HDAC9: variants seen among roughly 807,000 people sequenced by gnomAD.
HDAC9 encodes MEF-2 interacting transcription repressor (MITR) protein.
A neutral mutation model predicts 139.4 loss-of-function variants in HDAC9; 41 were observed. The ratio of observed to expected loss-of-function variants is 0.29; its 90% CI spans 0.23 to 0.38. The LOEUF (loss-of-function observed/expected upper bound fraction) is 0.38. Among genes scored for constraint, HDAC9 ranks in the 10% least tolerant of loss-of-function variants. HDAC9 has a pLI of 1.00. For missense variants in HDAC9, 1,147 were observed against 1,297.0 expected (o/e 0.88, Z 1.78); for synonymous variants, 517 against 476.2 (o/e 1.09, Z -1.12).
intron 22 of HDAC9, among the ~76,000 whole-genome samples, chr7:18,918,192 T>C (rs1486560671): frequency 6.6e-6 from 1 of 151,966 alleles, no homozygotes; most frequent in Admixed American, 6.6e-5. Flanking sequence ...TTTGGTTCAG[T>C]GATAATGGGT....
chr7:18,328,829 T>A (rs1562883082), intron 1 of HDAC9, among the ~76,000 whole-genome samples: 1 of 151,940 alleles, frequency 6.6e-6, no homozygotes, highest in Non-Finnish European at 1.5e-5. Context: ...GTAAAATTAG[T>A]TTGGAAGTAT....
At chr7:18,346,755 A>G (rs761588160) in intron 1 of HDAC9, among the ~76,000 whole-genome samples, 1 of 152,128 alleles carries the variant, frequency 6.6e-6, no homozygotes, top group Admixed American at 6.6e-5. Context: ...AGACACTGGT[A>G]TGGTTTATTG....
chr7:18,713,930 A>G (rs1784522197), intron 12 of HDAC9, among the ~76,000 whole-genome samples: 1 of 152,212 alleles, frequency 6.6e-6, no homozygotes, highest in Admixed American at 6.5e-5. Context: ...AGTCGTTGAT[A>G]ACAATGATAT....
intron 25 of HDAC9, among the ~76,000 whole-genome samples, chr7:18,977,342 A>G (rs1019941960): frequency 1.3e-5 from 2 of 152,168 alleles, no homozygotes; most frequent in African/African-American, 4.8e-5. Context: ...AACATCTGTT[A>G]GTGTTGGATA....
chr7:18,349,294 A>G (rs989172742), intron 1 of HDAC9, among the ~76,000 whole-genome samples: 5 of 144,184 alleles, frequency 3.5e-5, no homozygotes, highest in Admixed American at 2.8e-4. Flanking sequence ...GACCTCCCAT[A>G]CTTGAGAACA....
At chr7:18,899,907 A>C (rs1417285905) in intron 22 of HDAC9, among the ~76,000 whole-genome samples, 2 of 152,120 alleles carry the variant, frequency 1.3e-5, no homozygotes, top group Non-Finnish European at 2.9e-5. Flanking sequence ...ATTCTCACAA[A>C]TTGATAATGT....
chr7:18,680,673 T>TAA (rs1310033433), intron 12 of HDAC9, among the ~76,000 whole-genome samples: 1 of 152,042 alleles, frequency 6.6e-6, no homozygotes, highest in Admixed American at 6.6e-5. Flanking sequence ...GATTTACTGT[T>TAA]ACAGTTTGTG....
At chr7:18,917,574 AGAG>A (rs1309628008) in intron 22 of HDAC9, among the ~76,000 whole-genome samples, 6 of 151,972 alleles carry the variant, frequency 3.9e-5, no homozygotes, top group Non-Finnish European at 8.8e-5. Flanking sequence ...GACATAGATG[AGAG>A]GAGGAGGAAA....
chr7:18,789,275 G>GACACACAC lies in HDAC9; in HGVS notation c.2215-4065_2215-4064insCACACACA, dbSNP rs1459579745. On this transcript the variant is annotated intron_variant, in intron 16 of 25. Coordinates refer to ENST00000686413, the MANE Select transcript of HDAC9 (RefSeq NM_178425.4). ...ACTATTACTCCTTAATGCACACGCA[G>GACACACAC]ACACATACACGCACACACACACACA... Among the ~76,000 whole-genome samples the GACACACAC allele has an allele frequency of 4.3e-5, 4 of 91,966 alleles. No homozygotes were observed. In the East Asian group the frequency reaches 9.7e-4, roughly 22 times the overall value. 60.3% of individuals were successfully genotyped at this position (91,966 alleles called of 152,430 possible).
At chr7:18,893,264 G>C (rs1800858347) in intron 22 of HDAC9, among the ~76,000 whole-genome samples, 1 of 152,110 alleles carries the variant, frequency 6.6e-6, no homozygotes, top group Admixed American at 6.6e-5. Context: ...ACAACCTGTA[G>C]TTGTGTAGTT....
rs192671872 is a variant in HDAC9, at chr7:18,568,813, C to G, written c.23-16468C>G. Reference sequence around the variant, plus strand: ...CTGTAATCCCAGAACTTTGGGAGGCCGAGGCGGGTGGATCACCTGAGGTTG... The same window carrying G: ...CTGTAATCCCAGAACTTTGGGAGGCGGAGGCGGGTGGATCACCTGAGGTTG... On this transcript the variant is annotated intron_variant, in intron 2 of 25. Coordinates refer to ENST00000686413, the MANE Select transcript of HDAC9 (RefSeq NM_178425.4). Among the ~76,000 whole-genome samples, 126 of 152,034 alleles carry G rather than the reference C, an allele frequency of 8.3e-4. 1 individual carries two copies. The highest frequency in any genetic ancestry group is 1.5e-3 in the Non-Finnish European group (101 of 67,968).
At position 18,370,014 on chromosome 7, in the gene HDAC9, T is replaced by C. The variant is rs1369920622; in HGVS notation, c.-42+79499T>C. ...GTTTTTTTAAAAAGATGTTTAAGAC[T>C]TACTTTTCCAGTTCTTTTTTTGTAA... is the stretch of plus-strand genomic sequence containing the variant. On this transcript the variant is annotated intron_variant, in intron 1 of 3. Coordinates refer to the HDAC9 transcript ENST00000413509. Among the ~76,000 whole-genome samples the C allele has an allele frequency of 1.3e-5, 2 of 152,200 alleles. 1 individual carries two copies. The highest frequency in any genetic ancestry group is 3.8e-4 in the East Asian group (2 of 5,202).
chr7:18,296,590 A>C (rs888490689), intron 1 of HDAC9, among the ~76,000 whole-genome samples: 1 of 152,168 alleles, frequency 6.6e-6, no homozygotes, highest in Admixed American at 6.5e-5. Flanking sequence ...TTGTGTTAAA[A>C]TTCTACTACA....
Position 18,721,756 on chromosome 7 carries a change from A to AACAAT in HDAC9, c.1732-5821_1732-5820insATACA, listed in dbSNP as rs541714814. ...AGCAAAACAAAACAAAACAAAACAA[A>AACAAT]ACAGAAAAAAATCTGTTATTACAAA... On this transcript the variant is annotated intron_variant, in intron 12 of 25. Coordinates refer to ENST00000686413, the MANE Select transcript of HDAC9 (RefSeq NM_178425.4). Among the ~76,000 whole-genome samples, 639 of 152,322 alleles carry AACAAT rather than the reference A, an allele frequency of 4.2e-3. 4 individuals carry two copies. Among genetic ancestry groups the AACAAT allele is most frequent in the African/African-American group, 0.014 (600 of 41,554 alleles).
intron 17 of HDAC9, among the ~76,000 whole-genome samples, chr7:18,802,672 A>G (rs1473522567): frequency 1.3e-5 from 2 of 151,792 alleles, no homozygotes; most frequent in Non-Finnish European, 3.0e-5. Flanking sequence ...TGCTTTAGAT[A>G]TTTAAAAACT....
intron 1 of HDAC9, among the ~76,000 whole-genome samples, chr7:18,381,787 A>G (rs1785470265): frequency 6.6e-6 from 1 of 152,178 alleles, no homozygotes; most frequent in Non-Finnish European, 1.5e-5. Context: ...CATGCTGACA[A>G]GAGAGTTCTT....
At chr7:18,610,066 G>T (rs1836681621) in intron 6 of HDAC9, among the ~76,000 whole-genome samples, 1 of 152,058 alleles carries the variant, frequency 6.6e-6, no homozygotes, top group African/African-American at 2.4e-5. Context: ...TACCCAAAGG[G>T]TAATAAATCA....
intron 12 of HDAC9, among the ~76,000 whole-genome samples, chr7:18,722,785 T>C (rs1249253509): frequency 6.6e-6 from 1 of 152,184 alleles, no homozygotes; most frequent in East Asian, 1.9e-4. Context: ...TGCAATCAAC[T>C]CTTTGAATAA....
At chr7:18,428,087 A>G (rs1790296820) in intron 1 of HDAC9, among the ~76,000 whole-genome samples, 1 of 152,168 alleles carries the variant, frequency 6.6e-6, no homozygotes, top group African/African-American at 2.4e-5. Context: ...AGGCTGAATA[A>G]TATTCCTTTT....
Sources: gnomAD v4.1 joint callset for allele counts (sites outside exome capture counted in the v4.1 genomes callset) on GRCh38, gnomAD v4.1.1 for gene constraint, MANE v1.5 for transcripts, NCBI Gene and HGNC (gene_info 2026-07-23, HGNC 2026-07-21) for gene names.